ANKS1B: variants seen among roughly 807,000 people sequenced by gnomAD.
ANKS1B encodes ankyrin repeat and sterile alpha motif domain-containing protein 1B.
Under a neutral mutation model 148.3 loss-of-function variants are expected in ANKS1B, and 36 were observed. The observed-to-expected ratio is 0.24, with a 90% CI of 0.19 to 0.32. The LOEUF is 0.32. ANKS1B is among the 10% of genes least tolerant of loss of function. The pLI is 1.00. For synonymous variants in ANKS1B, 542 were observed against 560.8 expected (o/e 0.97, Z 0.47); for missense variants, 1,157 against 1,542.6 (o/e 0.75, Z 4.19).
intron 8 of ANKS1B, among the ~76,000 whole-genome samples, chr12:99,703,841 T>C (rs1002267506): frequency 2.0e-5 from 3 of 152,142 alleles, no homozygotes; most frequent in Non-Finnish European, 4.4e-5. Context: ...CCATAAACGT[T>C]TGATAAATCG....
intron 17 of ANKS1B, among the ~76,000 whole-genome samples, chr12:98,833,196 T>A (rs1292467222): frequency 6.6e-6 from 1 of 152,124 alleles, no homozygotes; most frequent in Non-Finnish European, 1.5e-5. Flanking sequence ...AACTTCTCTA[T>A]CTGGAAGGAG....
At chr12:99,863,723 A>T (rs570984687) in intron 1 of ANKS1B, among the ~76,000 whole-genome samples, 22 of 109,310 alleles carry the variant, frequency 2.0e-4, no homozygotes, top group African/African-American at 4.6e-4. Flanking sequence ...TCAAAAAAAT[A>T]AAAAAAAAAA....
rs148808467 is a variant in ANKS1B, at chr12:99,940,024, T to C, written c.134+44080A>G. On this transcript the variant is annotated intron_variant, in intron 1 of 26. Transcript: ENST00000683438. ...GACGTACTTTCATTGACAATTTAGG[T>C]AGACAAAATATTCAATGTTGTGTGA... Among the ~76,000 whole-genome samples the C allele has an allele frequency of 3.9e-3, 601 of 152,302 alleles. 4 individuals are homozygous for C. The highest frequency in any genetic ancestry group is 0.013 in the African/African-American group (556 of 41,570).
intron 17 of ANKS1B, among the ~76,000 whole-genome samples, chr12:98,847,281 C>G (rs1197681773): frequency 6.6e-6 from 1 of 152,172 alleles, no homozygotes. Context: ...CTGCCCCCAG[C>G]CCCTGGTAAC....
chr12:99,621,373 A>G (rs1012454254), intron 9 of ANKS1B, among the ~76,000 whole-genome samples: 1 of 151,964 alleles, frequency 6.6e-6, no homozygotes, highest in Non-Finnish European at 1.5e-5. Context: ...ATTATTTCAC[A>G]ATAAGATCCA....
At chr12:98,780,317 T>G (rs997096448) in intron 24 of ANKS1B, among the ~76,000 whole-genome samples, 1 of 152,242 alleles carries the variant, frequency 6.6e-6, no homozygotes, top group Non-Finnish European at 1.5e-5. Flanking sequence ...ATAAAACACA[T>G]GAACGTTTGG....
intron 4 of ANKS1B, among the ~76,000 whole-genome samples, chr12:99,794,772 A>T (rs2066048497): frequency 6.6e-6 from 1 of 151,686 alleles, no homozygotes; most frequent in Non-Finnish European, 1.5e-5. Flanking sequence ...AATGAATAAG[A>T]CCTAGTATTT....
chr12:99,548,155 T>C (rs531942179), intron 9 of ANKS1B, among the ~76,000 whole-genome samples: 1 of 152,314 alleles, frequency 6.6e-6, no homozygotes, highest in African/African-American at 2.4e-5. Context: ...TGTTTTGCCT[T>C]CCTAAAGGTA....
chr12:98,762,171 A>G (rs2098416791), intron 25 of ANKS1B, among the ~76,000 whole-genome samples: 1 of 152,142 alleles, frequency 6.6e-6, no homozygotes, highest in African/African-American at 2.4e-5. Context: ...CTATCAGTGA[A>G]TAGAGGCCAT....
At chr12:99,395,176 T>C (rs1474361642) in intron 12 of ANKS1B, among the ~76,000 whole-genome samples, 1 of 152,176 alleles carries the variant, frequency 6.6e-6, no homozygotes, top group Non-Finnish European at 1.5e-5. Flanking sequence ...GCCTTCTAAC[T>C]GGCTTTCCTG....
chr12:99,603,381 T>C (rs2097822480), intron 9 of ANKS1B, among the ~76,000 whole-genome samples: 1 of 152,114 alleles, frequency 6.6e-6, no homozygotes, highest in Non-Finnish European at 1.5e-5. Flanking sequence ...TTCAGGGCTG[T>C]CAGAAAGTGA....
chr12:99,484,234 T>A (rs867651438), intron 10 of ANKS1B, among the ~76,000 whole-genome samples: 10 of 152,074 alleles, frequency 6.6e-5, no homozygotes, highest in Non-Finnish European at 8.8e-5. Flanking sequence ...TAAAGTTCCA[T>A]CTTAATTTCA....
chr12:99,983,405 C>T (rs2095736664), intron 1 of ANKS1B, among the ~76,000 whole-genome samples: 1 of 152,154 alleles, frequency 6.6e-6, no homozygotes, highest in African/African-American at 2.4e-5. Context: ...TCACCTACGA[C>T]ATCTTCACGT....
At chr12:99,952,337 T>G (rs555739635) in intron 1 of ANKS1B, among the ~76,000 whole-genome samples, 1 of 152,202 alleles carries the variant, frequency 6.6e-6, no homozygotes, top group East Asian at 1.9e-4. Flanking sequence ...GCTGCTGTTG[T>G]TGATGATCCA....
At chr12:99,741,203 TCAAACA>T (rs1446909364) in intron 8 of ANKS1B, among the ~76,000 whole-genome samples, 13 of 64,912 alleles carry the variant, frequency 2.0e-4, no homozygotes, top group Non-Finnish European at 3.1e-5. Context: ...CTAGGCTCCG[TCAAACA>T]CACACACACA....
intron 22 of ANKS1B, among the ~76,000 whole-genome samples, chr12:98,790,441 C>T (rs1280471412): frequency 1.3e-5 from 2 of 152,160 alleles, no homozygotes; most frequent in African/African-American, 4.8e-5. Flanking sequence ...AATTCAGTGC[C>T]TAGCATGTAG....
At chr12:99,167,613 G>T (rs2077315080) in intron 14 of ANKS1B, among the ~76,000 whole-genome samples, 1 of 152,098 alleles carries the variant, frequency 6.6e-6, no homozygotes, top group Non-Finnish European at 1.5e-5. Context: ...AATAGAAAAT[G>T]TTACAACCAC....
chr12:99,791,278 C>T (rs1014763790), intron 4 of ANKS1B, among the ~76,000 whole-genome samples: 1 of 151,762 alleles, frequency 6.6e-6, no homozygotes, highest in Non-Finnish European at 1.5e-5. Context: ...ATATATAAAG[C>T]AAATATTATT....
intron 1 of ANKS1B, among the ~76,000 whole-genome samples, chr12:99,900,006 C>A (rs2093535638): frequency 6.6e-6 from 1 of 151,794 alleles, no homozygotes; most frequent in East Asian, 2.0e-4. Context: ...TCAAGCGATT[C>A]TCCTGCCTCA....
Sources: allele counts gnomAD v4.1 joint callset (sites outside exome capture counted in the v4.1 genomes callset), GRCh38; gene constraint gnomAD v4.1.1; transcripts MANE v1.5; gene names NCBI Gene and HGNC (gene_info 2026-07-23, HGNC 2026-07-21).